The following CPT1C variants were observed in gnomAD, a reference collection of about 807,000 sequenced individuals.
CPT1C encodes the protein carnitine palmitoyltransferase 1C.
Under a neutral mutation model 97.3 loss-of-function variants are expected in CPT1C, and 61 were observed. That is an observed-to-expected ratio of 0.63 (90% confidence interval 0.51 to 0.78). The LOEUF (loss-of-function observed/expected upper bound fraction) is 0.78, where lower values mean the gene tolerates loss of function less well. Ranked by LOEUF, CPT1C falls within the 30% of genes least tolerant of loss-of-function variation. The pLI is 0.00. For missense variants in CPT1C, 975 were observed against 1,065.5 expected (o/e 0.92, Z 1.18); for synonymous variants, 469 against 447.2 (o/e 1.05, Z -0.61).
chr19:49,702,547 GAGGC>G (rs2083235713), intron 7 of CPT1C, among the ~76,000 whole-genome samples: 1 of 151,420 alleles, frequency 6.6e-6, no homozygotes, highest in African/African-American at 2.4e-5. Context: ...TTGAACCCAG[GAGGC>G]AGAGGTGGCA....
At chr19:49,703,070 T>TACACACAC (rs72113209) in intron 7 of CPT1C, among the ~76,000 whole-genome samples, 1 of 144,212 alleles carries the variant, frequency 6.9e-6, no homozygotes, top group Non-Finnish European at 1.5e-5. Flanking sequence ...AGATTCTGTT[T>TACACACAC]ACACACACAC....
chr19:49,701,829 AT>A (rs200962325), intron 7 of CPT1C, among the ~76,000 whole-genome samples, 195 bp downstream of exon 7: 12,830 of 128,472 alleles, frequency 0.1, 804 homozygotes, highest in Middle Eastern at 0.14. Context: ...ATATATAAAA[AT>A]ATATATGTAT....
chr19:49,701,034 GGTCTCTGTCCCCCTCTCTCTCTGT>G (rs1568516148), intron 5 of CPT1C, among the ~76,000 whole-genome samples, 179 bp downstream of exon 5: 1 of 130,262 alleles, frequency 7.7e-6, no homozygotes, highest in Non-Finnish European at 1.5e-5. Flanking sequence ...CCTCTCTCTG[GGTCTCTGTCCCCCTCTCTCTCTGT>G]GTCTCCGTCC....
intron 5 of CPT1C, 66 bp downstream of exon 5, chr19:49,700,921 G>T: frequency 6.5e-7 from 1 of 1,546,322 alleles, no homozygotes; most frequent in Non-Finnish European, 8.8e-7. Flanking sequence ...CCTCTCTCTG[G>T]GTCTCTGTCC....
In CPT1C at chr19:49,705,132, GGT is replaced by G; in HGVS notation, c.879+19_879+20del. On this transcript the variant is annotated intron_variant, in intron 9 of 19. Coordinates refer to ENST00000598293, the MANE Select transcript of CPT1C (RefSeq NM_001199753.2). ...TACCCCCGGTGAGAGGGCCCCAGTG[GGT>G]TAGGGATGGAGGTGTGGTCCTGTGG... The G allele has an allele frequency of 1.9e-6, 3 of 1,613,554 alleles. No individual in the cohort carries two copies. The highest frequency in any genetic ancestry group is 2.5e-6 in the Non-Finnish European group (3 of 1,179,442).
intron 3 of CPT1C, among the ~76,000 whole-genome samples, chr19:49,693,108 G>C (rs978668793): frequency 1.3e-5 from 2 of 152,098 alleles, no homozygotes; most frequent in African/African-American, 2.4e-5. Flanking sequence ...GGCTAATCTC[G>C]ATCTCCTGAC....
chr19:49,705,191 TCA>T, intron 9 of CPT1C, 21 bp from the exon 10 acceptor site: 2 of 1,614,084 alleles, frequency 1.2e-6, no homozygotes, highest in Middle Eastern at 1.6e-4. Context: ...GGAAGGCAGC[TCA>T]CAGCCCACGG....
At chr19:49,701,947 T>A (rs1568520241) in intron 7 of CPT1C, among the ~76,000 whole-genome samples, 2 of 83,474 alleles carry the variant, frequency 2.4e-5, no homozygotes, top group South Asian at 6.7e-4. Context: ...TATAAATTTA[T>A]ATATAAATAT....
At chr19:49,705,372 C>T in intron 10 of CPT1C, 74 bp downstream of exon 10, 1 of 1,251,778 alleles carries the variant, frequency 8.0e-7, no homozygotes. Flanking sequence ...CTGGAGTCCG[C>T]CTGACTGAGC....
rs1049933458 is a variant in CPT1C at position 49,705,114 on chromosome 19, G to A, written c.879G>A (p.Pro293=). 1.6e-5 allele frequency: 26 copies of A among 1,613,896 alleles called. No individual in the cohort carries two copies. The highest frequency in any genetic ancestry group is 1.2e-4 in the South Asian group (11 of 91,082). The change falls in exon 9 of 20, where the codon CCG becomes CCA. Residue 293 remains proline (P), a splice_region_variant and synonymous_variant. Coordinates refer to ENST00000598293, the MANE Select transcript of CPT1C (RefSeq NM_001199753.2). ...RHRLNRQEIP[P]TLLMGMRPLC... The stretch of plus-strand genomic sequence containing the variant: ...GCCTGAACCGCCAGGAGATACCCCC[G>A]GTGAGAGGGCCCCAGTGGGTTAGGG...
intron 19 of CPT1C, 48 bp downstream of exon 19, chr19:49,713,112 A>C (rs1441244880): frequency 6.6e-7 from 1 of 1,511,024 alleles, no homozygotes. Context: ...CTCAGGAACC[A>C]GGAGTCTGGG....
intron 1 of CPT1C, 167 bp downstream of exon 1, chr19:49,691,507 C>T (rs565340267): frequency 3.8e-4 from 58 of 152,262 alleles, no homozygotes; most frequent in African/African-American, 1.3e-3. Context: ...TTCCCCATTC[C>T]CTCCAGCACG....
intron 4 of CPT1C, among the ~76,000 whole-genome samples, chr19:49,699,985 C>T (rs556652922): frequency 2.0e-5 from 3 of 150,384 alleles, no homozygotes; most frequent in African/African-American, 4.9e-5. Flanking sequence ...TGGTGGCTCA[C>T]GCCTGTAATC....
At chr19:49,703,679 C>T (rs2083343141) in intron 7 of CPT1C, among the ~76,000 whole-genome samples, 1 of 150,134 alleles carries the variant, frequency 6.7e-6, no homozygotes, top group Admixed American at 6.7e-5. Flanking sequence ...GTCACCCAGG[C>T]TGTAGTGCAG....
rs1346242349 is a variant in CPT1C, at chr19:49,701,650, G to T, written c.693+16G>T. 2.5e-6 allele frequency: 4 copies of T among 1,582,460 alleles called. No individual in the cohort carries two copies. The East Asian group carries it at 9.1e-5, about 36-fold the overall frequency. On this transcript the variant is annotated intron_variant, in intron 7 of 19. Transcript: ENST00000598293. Reference sequence around the variant, plus strand: ...GTCCAATTATGTGAGTCCCGCCACCGCCACCAACGCCCCACCTGAAGGGCT... The same window carrying T: ...GTCCAATTATGTGAGTCCCGCCACCTCCACCAACGCCCCACCTGAAGGGCT...
intron 4 of CPT1C, among the ~76,000 whole-genome samples, chr19:49,700,262 C>CAAAA (rs58306047): frequency 1.4e-5 from 2 of 146,270 alleles, no homozygotes; most frequent in Admixed American, 1.4e-4. Context: ...CAAAACAAAA[C>CAAAA]AAAAAAAAAA....
chr19:49,699,759 C>T (rs765166059), intron 4 of CPT1C, among the ~76,000 whole-genome samples: 9 of 152,008 alleles, frequency 5.9e-5, no homozygotes, highest in Non-Finnish European at 1.0e-4. Context: ...GTTCGAGAGC[C>T]GCCTGGCCAA....
At chr19:49,702,909 GA>G (rs1270062600) in intron 7 of CPT1C, among the ~76,000 whole-genome samples, 2 of 151,978 alleles carry the variant, frequency 1.3e-5, no homozygotes, top group African/African-American at 4.8e-5. Flanking sequence ...GAGGGGAAGG[GA>G]AGAGGGTCCC....
At chr19:49,699,932 C>T (rs962619469) in intron 4 of CPT1C, among the ~76,000 whole-genome samples, 2 of 151,364 alleles carry the variant, frequency 1.3e-5, no homozygotes, top group Non-Finnish European at 2.9e-5. Context: ...CCAGCCTGGG[C>T]GACAGAGTGA....
Sources: gnomAD v4.1 joint callset for allele counts (sites outside exome capture counted in the v4.1 genomes callset) on GRCh38, gnomAD v4.1.1 for gene constraint, MANE v1.5 for transcripts, NCBI Gene and HGNC (gene_info 2026-07-23, HGNC 2026-07-21) for gene names.